Variants in CTNNA2 observed in about 807,000 individuals in gnomAD.
CTNNA2 encodes the protein catenin alpha 2.
Under a neutral mutation model 101.0 loss-of-function variants are expected in CTNNA2, and 42 were observed. That is an observed-to-expected ratio of 0.42 (90% CI 0.32 to 0.54). The LOEUF (loss-of-function observed/expected upper bound fraction) is 0.54. CTNNA2 is among the 20% of genes least tolerant of loss of function. The pLI is 0.14. For synonymous variants in CTNNA2, 450 were observed against 456.4 expected (o/e 0.99, Z 0.18); for missense variants, 871 against 1,223.1 (o/e 0.71, Z 4.29).
rs528783981 is a variant in CTNNA2, at chr2:79,808,052, C to T, written c.299-49961C>T. On this transcript the variant is annotated intron_variant, in intron 3 of 18. Transcript: ENST00000402739. ...TTTCCTTTACAAAAATTACTTTTTA[C>T]GTGACATTTAACTTGTAAAACGTAG... 7.7e-4 allele frequency among the ~76,000 whole-genome samples: 117 copies of T among 152,200 alleles called. 2 individuals are homozygous for T. In the South Asian group the frequency reaches 0.023, roughly 30 times the overall value.
intron 7 of CTNNA2, among the ~76,000 whole-genome samples, chr2:80,277,758 G>A (rs747145245): frequency 6.6e-6 from 1 of 152,008 alleles, no homozygotes; most frequent in African/African-American, 2.4e-5. Context: ...CCCTTGAGTA[G>A]ACCTGTTCTA....
At chr2:79,642,472 T>C (rs1680513060) in intron 1 of CTNNA2, among the ~76,000 whole-genome samples, 1 of 152,204 alleles carries the variant, frequency 6.6e-6, no homozygotes, top group Non-Finnish European at 1.5e-5. Context: ...GCCAGGGCTT[T>C]GAATGGTTAT....
intron 4 of CTNNA2, among the ~76,000 whole-genome samples, chr2:79,384,862 AGGAATTT>A (rs1303942110): frequency 6.6e-6 from 1 of 152,174 alleles, no homozygotes; most frequent in Non-Finnish European, 1.5e-5. Flanking sequence ...AACTTATACT[AGGAATTT>A]GGTTCGATAT....
chr2:79,543,375 G>A (rs1028643791), intron 1 of CTNNA2, among the ~76,000 whole-genome samples: 1 of 152,106 alleles, frequency 6.6e-6, no homozygotes. Context: ...CAGTAACTAA[G>A]CATTGTTGTA....
chr2:79,573,519 G>A (rs1019273806), intron 1 of CTNNA2, among the ~76,000 whole-genome samples: 1 of 152,208 alleles, frequency 6.6e-6, no homozygotes, highest in African/African-American at 2.4e-5. Context: ...AAATTCAGCA[G>A]ACATTAGCAG....
chr2:79,614,933 A>G (rs1262726299), intron 1 of CTNNA2, among the ~76,000 whole-genome samples: 3 of 152,220 alleles, frequency 2.0e-5, no homozygotes, highest in African/African-American at 7.2e-5. Flanking sequence ...TCTCTCATGC[A>G]TAGGCTGTTA....
At chr2:79,407,448 T>C (rs1019696113) in intron 4 of CTNNA2, among the ~76,000 whole-genome samples, 3 of 151,890 alleles carry the variant, frequency 2.0e-5, no homozygotes, top group Non-Finnish European at 4.4e-5. Flanking sequence ...TCTGGTTTTT[T>C]TTCTCTCCCC....
chr2:79,271,824 C>G (rs1675090426), intron 2 of CTNNA2, among the ~76,000 whole-genome samples: 1 of 152,010 alleles, frequency 6.6e-6, no homozygotes, highest in Non-Finnish European at 1.5e-5. Context: ...CAACATCTCT[C>G]CATTACCCTT....
At chr2:79,997,484 G>A (rs908282540) in intron 7 of CTNNA2, among the ~76,000 whole-genome samples, 2 of 152,138 alleles carry the variant, frequency 1.3e-5, no homozygotes, top group Admixed American at 1.3e-4. Flanking sequence ...GGATTTTTCT[G>A]TTTCTGTGGG....
At chr2:79,420,857 G>A (rs1195964651) in intron 4 of CTNNA2, among the ~76,000 whole-genome samples, 1 of 152,150 alleles carries the variant, frequency 6.6e-6, no homozygotes, top group Admixed American at 6.5e-5. Flanking sequence ...CCCAAGGAAT[G>A]TGATACATTC....
At chr2:80,146,719 T>TTTG (rs1703364607) in intron 7 of CTNNA2, among the ~76,000 whole-genome samples, 1 of 96,028 alleles carries the variant, frequency 1.0e-5, no homozygotes, top group Non-Finnish European at 2.2e-5. Flanking sequence ...GGTTTTTTTT[T>TTTG]TTTTTTTTTT....
intron 3 of CTNNA2, among the ~76,000 whole-genome samples, chr2:79,318,955 T>C (rs756601577): frequency 1.3e-5 from 2 of 152,188 alleles, no homozygotes; most frequent in African/African-American, 2.4e-5. Context: ...TGACTACTAC[T>C]GAAATACAGA....
rs1450317789 is a variant in CTNNA2, at chr2:79,245,729, T to C, written c.-406+47653T>C. Among the ~76,000 whole-genome samples, 4 of 152,338 alleles carry C rather than the reference T, an allele frequency of 2.6e-5. No homozygotes were observed. The East Asian group carries it at 7.7e-4, about 29-fold the overall frequency. ...CATGAAAATAACCATGGATTGGACT[T>C]ATATTCTAAGAGATATTTTAGTGCT... On this transcript the variant is annotated intron_variant, in intron 2 of 21. Coordinates refer to the CTNNA2 transcript ENST00000466387.
At chr2:80,151,984 G>T (rs995615411) in intron 7 of CTNNA2, among the ~76,000 whole-genome samples, 1 of 152,228 alleles carries the variant, frequency 6.6e-6, no homozygotes, top group African/African-American at 2.4e-5. Flanking sequence ...TCAGGCAAGG[G>T]TTCAGGGGCC....
chr2:79,670,291 C>G (rs1192892303), intron 2 of CTNNA2, among the ~76,000 whole-genome samples: 2 of 152,208 alleles, frequency 1.3e-5, no homozygotes, highest in Admixed American at 1.3e-4. Context: ...GCCCATTCCT[C>G]ACTCCCTACA....
chr2:79,772,757 G>T (rs1174965706), intron 3 of CTNNA2, among the ~76,000 whole-genome samples: 2 of 152,008 alleles, frequency 1.3e-5, no homozygotes, highest in Non-Finnish European at 2.9e-5. Context: ...TAGAGACAGG[G>T]TCTCACTATG....
chr2:80,272,403 T>C (rs1673566719), intron 7 of CTNNA2, among the ~76,000 whole-genome samples: 1 of 152,232 alleles, frequency 6.6e-6, no homozygotes, highest in South Asian at 2.1e-4. Flanking sequence ...ATTTTCAAAA[T>C]GTGATTTCCA....
intron 2 of CTNNA2, among the ~76,000 whole-genome samples, chr2:79,728,264 G>A (rs1041849301): frequency 9.2e-5 from 14 of 151,862 alleles, no homozygotes; most frequent in Admixed American, 1.3e-4. Context: ...TTTAATGATC[G>A]CCATTCTAAC....
chr2:79,198,840 A>G (rs1419347886), intron 2 of CTNNA2, among the ~76,000 whole-genome samples: 1 of 135,342 alleles, frequency 7.4e-6, no homozygotes, highest in Non-Finnish European at 1.6e-5. Flanking sequence ...AAAAAGCAAA[A>G]TCATGGCTTA....
Sources: allele counts gnomAD v4.1 joint callset (sites outside exome capture counted in the v4.1 genomes callset), GRCh38; gene constraint gnomAD v4.1.1; transcripts MANE v1.5; gene names NCBI Gene and HGNC (gene_info 2026-07-23, HGNC 2026-07-21).